The following CTNNA3 variants were observed in gnomAD, a reference collection of about 807,000 sequenced individuals.
The protein encoded by CTNNA3 is catenin alpha 3.
A neutral mutation model predicts 95.7 loss-of-function variants in CTNNA3; 76 were observed. The ratio of observed to expected loss-of-function variants is 0.79; its 90% CI spans 0.66 to 0.96. The LOEUF is 0.96. Among genes scored for constraint, CTNNA3 ranks in the 40% least tolerant of loss-of-function variants. The probability of loss-of-function intolerance (pLI) is 0.00; values close to 1 mark genes in which losing one functional copy is unlikely to be tolerated. For missense variants in CTNNA3, 1,191 were observed against 1,089.8 expected (o/e 1.09, Z -1.31); for synonymous variants, 431 against 374.4 (o/e 1.15, Z -1.74).
intron 5 of CTNNA3, among the ~76,000 whole-genome samples, chr10:67,381,811 G>C (rs557128199): frequency 6.6e-6 from 1 of 152,118 alleles, no homozygotes; most frequent in Non-Finnish European, 1.5e-5. Context: ...AGCACCTCCA[G>C]CCCTTTCTGA....
intron 11 of CTNNA3, among the ~76,000 whole-genome samples, chr10:66,485,756 C>A (rs575741406): frequency 6.6e-6 from 1 of 152,014 alleles, no homozygotes; most frequent in African/African-American, 2.4e-5. Context: ...AAAATTGACA[C>A]GGATCCACAA....
chr10:66,768,337 G>A lies in CTNNA3; in HGVS notation c.1129-1921C>T, dbSNP rs557593414. On this transcript the variant is annotated intron_variant, in intron 8 of 17. Coordinates refer to ENST00000433211, the MANE Select transcript of CTNNA3 (RefSeq NM_013266.4). Reference sequence around the variant, plus strand: ...GGCCAGCATATGGGAACTAACTCAAGCGGAGAGTGTGGATGAGACCATATA... The same window carrying A: ...GGCCAGCATATGGGAACTAACTCAAACGGAGAGTGTGGATGAGACCATATA... Among the ~76,000 whole-genome samples, 22 of 152,294 alleles carry A rather than the reference G, an allele frequency of 1.4e-4. No individual in the cohort carries two copies. In the South Asian group the frequency reaches 3.9e-3, roughly 27 times the overall value.
intron 5 of CTNNA3, among the ~76,000 whole-genome samples, chr10:67,258,124 C>A (rs1326822257): frequency 1.3e-5 from 2 of 152,082 alleles, no homozygotes; most frequent in Non-Finnish European, 2.9e-5. Context: ...TTGCTCATTT[C>A]AACAATGGTT....
intron 7 of CTNNA3, chr10:67,099,731 C>T (rs1858228381): frequency 1.3e-5 from 2 of 152,170 alleles, no homozygotes; most frequent in African/African-American, 4.8e-5. Context: ...AACTATTTAG[C>T]ATCCCAGATT....
intron 17 of CTNNA3, among the ~76,000 whole-genome samples, chr10:65,926,044 A>G (rs181235599): frequency 1.0e-4 from 15 of 149,752 alleles, no homozygotes; most frequent in African/African-American, 3.6e-4. Context: ...TGTATTATAT[A>G]ATATATAATA....
chr10:66,454,351 G>T (rs923342626), intron 11 of CTNNA3, among the ~76,000 whole-genome samples: 2 of 152,006 alleles, frequency 1.3e-5, no homozygotes, highest in Non-Finnish European at 2.9e-5. Context: ...TAGCAAGATT[G>T]TCAAAGAAAA....
chr10:66,946,436 T>G (rs1304903621), intron 7 of CTNNA3, among the ~76,000 whole-genome samples: 1 of 152,124 alleles, frequency 6.6e-6, no homozygotes, highest in Non-Finnish European at 1.5e-5. Flanking sequence ...GCACATATGG[T>G]CAATGTACAG....
chr10:66,173,772 T>A (rs1462563575), intron 13 of CTNNA3, among the ~76,000 whole-genome samples: 1 of 152,120 alleles, frequency 6.6e-6, no homozygotes, highest in East Asian at 1.9e-4. Flanking sequence ...TAGGTACATA[T>A]TTTTTATTTT....
intron 1 of CTNNA3, among the ~76,000 whole-genome samples, chr10:67,763,081 T>C (rs1235381711): frequency 6.6e-6 from 1 of 152,168 alleles, no homozygotes; most frequent in Non-Finnish European, 1.5e-5. Context: ...CAGCTAGTCC[T>C]GCTACGTAGG....
At chr10:67,315,002 C>T (rs1840979352) in intron 5 of CTNNA3, among the ~76,000 whole-genome samples, 1 of 152,160 alleles carries the variant, frequency 6.6e-6, no homozygotes, top group African/African-American at 2.4e-5. Context: ...AGTGTTCTTA[C>T]CAGCTTAATG....
At chr10:67,748,352 GA>G (rs901798424) in intron 1 of CTNNA3, among the ~76,000 whole-genome samples, 1 of 152,120 alleles carries the variant, frequency 6.6e-6, no homozygotes, top group Non-Finnish European at 1.5e-5. Flanking sequence ...GGCAGCCAGA[GA>G]AAAAGGCCAG....
intron 5 of CTNNA3, among the ~76,000 whole-genome samples, chr10:67,267,718 A>G (rs573488931): frequency 6.6e-6 from 1 of 152,228 alleles, no homozygotes; most frequent in Non-Finnish European, 1.5e-5. Flanking sequence ...TAGAAATATG[A>G]ATATAAATAC....
At chr10:67,122,451 C>CA in intron 7 of CTNNA3, among the ~76,000 whole-genome samples, 1 of 152,012 alleles carries the variant, frequency 6.6e-6, no homozygotes, top group South Asian at 2.1e-4. Flanking sequence ...GTCAAAAGAA[C>CA]AAAAATCTCA....
At position 66,178,451 on chromosome 10, in the gene CTNNA3, A is replaced by G. The variant is rs182557450; in HGVS notation, c.1885-75202T>C. On this transcript the variant is annotated intron_variant, in intron 13 of 17. Coordinates refer to ENST00000433211, the MANE Select transcript of CTNNA3 (RefSeq NM_013266.4). ...TATATATATATATATATACACACAC[A>G]GATATAGAAAGAGAGAGGTACATAC... Among the ~76,000 whole-genome samples the G allele has an allele frequency of 9.8e-3, 1,077 of 109,396 alleles. 14 individuals are homozygous for G. The highest frequency in any genetic ancestry group is 0.034 in the African/African-American group (1,029 of 30,032). 71.8% of individuals were successfully genotyped at this position (109,396 alleles called of 152,430 possible).
rs191323297 is a variant in CTNNA3, at chr10:67,125,660, C to T, written c.1047+54657G>A. Among the ~76,000 whole-genome samples the T allele has an allele frequency of 4.0e-3, 616 of 152,152 alleles. 1 individual carries two copies. The highest frequency in any genetic ancestry group is 0.014 in the African/African-American group (565 of 41,524). ...ATCTACAGTGGGGTTGTACCGTAAA[C>T]GCATATAACTTACACAACTTCAATT... On this transcript the variant is annotated intron_variant, in intron 7 of 17. Coordinates refer to ENST00000433211, the MANE Select transcript of CTNNA3 (RefSeq NM_013266.4).
intron 1 of CTNNA3, among the ~76,000 whole-genome samples, chr10:67,712,846 G>C (rs1589578411): frequency 6.6e-6 from 1 of 152,074 alleles, no homozygotes; most frequent in East Asian, 1.9e-4. Flanking sequence ...AAAAAACCTA[G>C]GCAATACCAT....
intron 7 of CTNNA3, among the ~76,000 whole-genome samples, chr10:67,025,142 A>G (rs1427517860): frequency 6.6e-6 from 1 of 151,236 alleles, no homozygotes; most frequent in East Asian, 1.9e-4. Flanking sequence ...AAACAAAAAA[A>G]AAAAAGAAAG....
At chr10:67,284,803 A>G in intron 5 of CTNNA3, among the ~76,000 whole-genome samples, 1 of 152,220 alleles carries the variant, frequency 6.6e-6, no homozygotes, top group East Asian at 1.9e-4. Flanking sequence ...CCCAGTGGAC[A>G]TATTTGGCTT....
chr10:66,514,446 A>G (rs1840769407), intron 11 of CTNNA3, among the ~76,000 whole-genome samples: 1 of 152,200 alleles, frequency 6.6e-6, no homozygotes, highest in Non-Finnish European at 1.5e-5. Flanking sequence ...CTATCCTTCA[A>G]TACTACAGTT....
Sources: gnomAD v4.1 joint callset for allele counts (sites outside exome capture counted in the v4.1 genomes callset) on GRCh38, gnomAD v4.1.1 for gene constraint, MANE v1.5 for transcripts, NCBI Gene and HGNC (gene_info 2026-07-23, HGNC 2026-07-21) for gene names.